The following COP1 variants were observed in gnomAD, a reference collection of about 807,000 sequenced individuals.
COP1 encodes the protein E3 ubiquitin-protein ligase COP1.
In COP1, 24 loss-of-function variants were observed where a neutral mutation model predicts 101.3. The ratio of observed to expected loss-of-function variants is 0.24; its 90% CI spans 0.17 to 0.33. The LOEUF is 0.33. COP1 is among the 10% of genes least tolerant of loss of function. COP1 has a pLI of 1.00. For synonymous variants in COP1, 347 were observed against 341.9 expected (o/e 1.01, Z -0.17); for missense variants, 663 against 906.2 (o/e 0.73, Z 3.45).
chr1:176,181,056 A>C (rs1056933269), intron 2 of COP1, among the ~76,000 whole-genome samples: 1 of 152,216 alleles, frequency 6.6e-6, no homozygotes, highest in African/African-American at 2.4e-5. Context: ...TTTTATCTCT[A>C]CGTTATGTAA....
At chr1:176,086,116 C>G (rs1168666443) in intron 9 of COP1, among the ~76,000 whole-genome samples, 2 of 152,002 alleles carry the variant, frequency 1.3e-5, no homozygotes, top group Non-Finnish European at 2.9e-5. Flanking sequence ...TAAAAATAAG[C>G]TCTAAAGGAC....
Position 176,036,044 on chromosome 1 carries a change from A to G in COP1, c.1612+7142T>C, listed in dbSNP as rs143689985. On this transcript the variant is annotated intron_variant, in intron 14 of 19. Transcript: ENST00000367669. ...AAGAGAATAACAAGAGAAATCAAACAGAATTTTAAACAGAATGGAAAAGCA... is the reference window on the plus strand; with the variant it reads ...AAGAGAATAACAAGAGAAATCAAACGGAATTTTAAACAGAATGGAAAAGCA... Among the ~76,000 whole-genome samples the G allele has an allele frequency of 2.6e-3, 399 of 152,232 alleles. 3 individuals carry two copies. Among genetic ancestry groups the G allele is most frequent in the African/African-American group, 9.2e-3 (381 of 41,582 alleles).
At chr1:176,083,586 C>T (rs1484142429) in intron 10 of COP1, among the ~76,000 whole-genome samples, 1 of 152,144 alleles carries the variant, frequency 6.6e-6, no homozygotes, top group Non-Finnish European at 1.5e-5. Context: ...AAAGTGTATT[C>T]AATGTCTCTT....
intron 15 of COP1, among the ~76,000 whole-genome samples, chr1:175,997,836 C>T (rs1357707744): frequency 4.0e-5 from 6 of 151,830 alleles, no homozygotes; most frequent in South Asian, 2.1e-4. Flanking sequence ...TGAAAGTCAG[C>T]GTGGCAATTC....
At chr1:176,006,170 C>A (rs1007004516) in intron 15 of COP1, among the ~76,000 whole-genome samples, 2 of 151,944 alleles carry the variant, frequency 1.3e-5, no homozygotes, top group Non-Finnish European at 2.9e-5. Context: ...AGGATTGCAA[C>A]CCCTGCCTTT....
At chr1:176,144,650 T>C (rs1691279715) in intron 6 of COP1, among the ~76,000 whole-genome samples, 1 of 152,050 alleles carries the variant, frequency 6.6e-6, no homozygotes, top group South Asian at 2.1e-4. Flanking sequence ...AATTCAAAGC[T>C]CTAGTATTTA....
intron 5 of COP1, among the ~76,000 whole-genome samples, chr1:176,155,475 A>G (rs1417723956): frequency 6.6e-6 from 1 of 152,082 alleles, no homozygotes; most frequent in Non-Finnish European, 1.5e-5. Context: ...AAATAAGAAC[A>G]GAGCATCAGA....
In COP1 at chr1:176,025,894, C is replaced by A. The variant is rs149664663; in HGVS notation, c.1729+1678G>T. ...ACCCTGTCTCATAAAAACAAAAAAA[C>A]CAAAAAAAAAGAAAACCCAAACAAA... On this transcript the variant is annotated intron_variant, in intron 15 of 19. Transcript: ENST00000367669. Among the ~76,000 whole-genome samples, 1,118 of 150,234 alleles carry A rather than the reference C, an allele frequency of 7.4e-3. 8 individuals carry two copies. The highest frequency in any genetic ancestry group is 0.012 in the Non-Finnish European group (834 of 67,718).
chr1:176,189,998 C>T (rs1480002849), intron 1 of COP1, among the ~76,000 whole-genome samples: 1 of 151,560 alleles, frequency 6.6e-6, no homozygotes, highest in African/African-American at 2.4e-5. Flanking sequence ...AGTAAATAAG[C>T]ATAATGAATA....
At chr1:175,965,849 T>A (rs1242506763) in intron 18 of COP1, among the ~76,000 whole-genome samples, 1 of 152,112 alleles carries the variant, frequency 6.6e-6, no homozygotes, top group East Asian at 1.9e-4. Flanking sequence ...CCTAAAGTGT[T>A]GGGATTACAA....
chr1:176,154,092 G>A (rs562543960), intron 5 of COP1, among the ~76,000 whole-genome samples: 1 of 152,296 alleles, frequency 6.6e-6, no homozygotes, highest in South Asian at 2.1e-4. Context: ...GTATCAAGAT[G>A]ATGCTGGCCT....
rs536528605 is a variant in COP1, at chr1:175,965,626, T to C, written c.2134-18387A>G. Among the ~76,000 whole-genome samples the C allele has an allele frequency of 1.4e-3, 211 of 152,258 alleles. 5 individuals carry two copies. The South Asian group carries it at 0.041, about 30-fold the overall frequency. ...GTTTTTGAGATGGAGTCTCGCTCTG[T>C]CGCTCAGGCTGGACTGCAGTGGTGC... is the stretch of plus-strand genomic sequence containing the variant. On this transcript the variant is annotated intron_variant, in intron 18 of 19. Transcript: ENST00000367669.
At chr1:176,062,322 A>T (rs1178236752) in intron 11 of COP1, among the ~76,000 whole-genome samples, 1 of 152,164 alleles carries the variant, frequency 6.6e-6, no homozygotes, top group African/African-American at 2.4e-5. Context: ...TGAATTTTTA[A>T]ATACTGGCCA....
chr1:175,951,645 G>C (rs992508472), intron 18 of COP1, among the ~76,000 whole-genome samples: 2 of 151,810 alleles, frequency 1.3e-5, no homozygotes, highest in African/African-American at 4.8e-5. Flanking sequence ...TTTCTACTGA[G>C]AGGCAATTTC....
At chr1:176,184,578 TAC>T (rs1430077956) in intron 2 of COP1, 53 bp downstream of exon 2, 1 of 1,370,774 alleles carries the variant, frequency 7.3e-7, no homozygotes, top group Admixed American at 2.1e-5. Context: ...TGGCTACATT[TAC>T]AGATAAGTTT....
chr1:176,074,301 T>G (rs1350103505), intron 11 of COP1, among the ~76,000 whole-genome samples: 2 of 152,174 alleles, frequency 1.3e-5, no homozygotes, highest in African/African-American at 2.4e-5. Flanking sequence ...TGAAGTAAAT[T>G]TATTATCAAT....
chr1:176,046,128 T>A, intron 12 of COP1, 53 bp downstream of exon 12: 5 of 1,392,438 alleles, frequency 3.6e-6, no homozygotes, highest in Non-Finnish European at 5.0e-6. Context: ...GATAATTACA[T>A]ATGCAAATTG....
intron 9 of COP1, among the ~76,000 whole-genome samples, chr1:176,086,966 C>A (rs1472919802): frequency 6.6e-6 from 1 of 152,174 alleles, no homozygotes; most frequent in African/African-American, 2.4e-5. Context: ...ACAGCTACAA[C>A]CATTTGATCT....
chr1:176,079,929 A>C (rs1413933175), intron 11 of COP1, among the ~76,000 whole-genome samples: 1 of 152,100 alleles, frequency 6.6e-6, no homozygotes, highest in Non-Finnish European at 1.5e-5. Flanking sequence ...AAGCTGAGGC[A>C]TGAGGACTGC....
Sources: allele counts gnomAD v4.1 joint callset (sites outside exome capture counted in the v4.1 genomes callset), GRCh38; gene constraint gnomAD v4.1.1; transcripts MANE v1.5; gene names NCBI Gene and HGNC (gene_info 2026-07-23, HGNC 2026-07-21).